AUH: variants seen among roughly 807,000 people sequenced by gnomAD.
The protein encoded by AUH is AU RNA binding methylglutaconyl-CoA hydratase, also known as methylglutaconyl-CoA hydratase, mitochondrial.
In AUH, 29 loss-of-function variants were observed where a neutral mutation model predicts 42.3. The ratio of observed to expected loss-of-function variants is 0.69; its 90% CI spans 0.51 to 0.93. The LOEUF (loss-of-function observed/expected upper bound fraction) is 0.93. AUH is among the 40% of genes least tolerant of loss of function. The probability of loss-of-function intolerance (pLI) is 0.00; values close to 1 mark genes in which losing one functional copy is unlikely to be tolerated. For synonymous variants in AUH, 174 were observed against 166.4 expected (o/e 1.05, Z -0.35); for missense variants, 452 against 438.1 (o/e 1.03, Z -0.28).
At chr9:91,361,367 T>C (rs922998025) in intron 1 of AUH, among the ~76,000 whole-genome samples, 1 of 152,200 alleles carries the variant, frequency 6.6e-6, no homozygotes, top group Non-Finnish European at 1.5e-5. Flanking sequence ...TAAGCTGCAC[T>C]TCTGTTTGCC....
At chr9:91,240,593 C>T (rs1288217180) in intron 6 of AUH, among the ~76,000 whole-genome samples, 1 of 152,076 alleles carries the variant, frequency 6.6e-6, no homozygotes, top group Non-Finnish European at 1.5e-5. Context: ...CTATGTAATA[C>T]AGAAGTCACT....
chr9:91,321,517 A>C (rs1186003942), intron 4 of AUH, among the ~76,000 whole-genome samples: 2 of 152,204 alleles, frequency 1.3e-5, no homozygotes, highest in Admixed American at 1.3e-4. Context: ...GACTCCAAAA[A>C]GCAAAACCCA....
chr9:91,265,794 T>G lies in AUH; in HGVS notation c.655+30227A>C, dbSNP rs185086904. Among the ~76,000 whole-genome samples, 227 of 152,304 alleles carry G rather than the reference T, an allele frequency of 1.5e-3. 1 individual carries two copies. The highest frequency in any genetic ancestry group is 4.9e-3 in the African/African-American group (203 of 41,552). ...CAGTTTTTCTGAAAACTTGCATATC[T>G]TCAGAAACCTCTTTGCAGTACATTT... On this transcript the variant is annotated intron_variant, in intron 6 of 9. Transcript: ENST00000375731.
chr9:91,298,177 G>A, intron 4 of AUH, 101 bp from the exon 5 acceptor site: 1 of 863,098 alleles, frequency 1.2e-6, no homozygotes, highest in Non-Finnish European at 1.9e-6. Flanking sequence ...TTAAATGGGA[G>A]ATCATATACA....
chr9:91,349,576 T>C (rs918269054), intron 3 of AUH, among the ~76,000 whole-genome samples: 12 of 152,126 alleles, frequency 7.9e-5, no homozygotes, highest in Non-Finnish European at 1.6e-4. Context: ...GATTGGCAAA[T>C]ATTAAAATTT....
In AUH at chr9:91,213,839, T is replaced by C. The variant is rs1587605348; in HGVS notation, c.*509A>G. On this transcript the variant is annotated 3_prime_UTR_variant, in exon 10 of 10. Transcript: ENST00000375731. ...ATTCCCATGTTTTCTTTTCACTAAT[T>C]TTATTTATATTAGGTAGTTTTCACT... 3 of 153,276 alleles carry C rather than the reference T, an allele frequency of 2.0e-5. No individual in the cohort carries two copies. Among genetic ancestry groups the C allele is most frequent in the African/African-American group, 7.2e-5 (3 of 41,454 alleles). The allele number at this position is 153,276 out of a possible 1,614,324, so 9.5% of individuals were successfully genotyped here.
chr9:91,349,643 G>A (rs1831801558), intron 3 of AUH, among the ~76,000 whole-genome samples: 1 of 150,402 alleles, frequency 6.6e-6, no homozygotes, highest in Non-Finnish European at 1.5e-5. Flanking sequence ...GTGTGTGTAT[G>A]TGTGTGTGGG....
At chr9:91,330,705 C>T (rs2131895852) in intron 3 of AUH, among the ~76,000 whole-genome samples, 1 of 152,250 alleles carries the variant, frequency 6.6e-6, no homozygotes, top group Non-Finnish European at 1.5e-5. Context: ...CAGTAGAAGA[C>T]ACAAATTATG....
At position 91,221,063 on chromosome 9, in the gene AUH, T is replaced by A. The variant is rs1827108387; in HGVS notation, c.656-71A>T. 3.3e-6 allele frequency: 5 copies of A among 1,522,168 alleles called. No homozygotes were observed. In the South Asian group the frequency reaches 5.6e-5, roughly 17 times the overall value. The allele number at this position is 1,522,168 out of a possible 1,614,324, so 94.3% of individuals were successfully genotyped here. On this transcript the variant is annotated intron_variant, in intron 6 of 9. Coordinates refer to ENST00000375731, the MANE Select transcript of AUH (RefSeq NM_001698.3). ...AGTTTTAACACTTCAGTGTTTCATATCTTCATTTATAAAAATAAACCAGGG... is the reference window on the plus strand; with the variant it reads ...AGTTTTAACACTTCAGTGTTTCATAACTTCATTTATAAAAATAAACCAGGG...
chr9:91,299,446 A>G (rs1827612772), intron 4 of AUH, among the ~76,000 whole-genome samples: 1 of 152,176 alleles, frequency 6.6e-6, no homozygotes, highest in Non-Finnish European at 1.5e-5. Flanking sequence ...TGCCGCCTGA[A>G]GCACTCCCAG....
intron 6 of AUH, among the ~76,000 whole-genome samples, chr9:91,276,896 C>T (rs1411451949): frequency 1.3e-5 from 2 of 152,154 alleles, no homozygotes; most frequent in Admixed American, 1.3e-4. Context: ...GATAAAATCA[C>T]CTCTTAAAAG....
rs1829890680 is a variant in AUH, at chr9:91,325,300, G to C, written c.505+18C>G. Reference sequence around the variant, plus strand: ...GAACCCCTTCGGCATGCTGAAAGAAGAACTTAATAGTGCTTACCAATATCG... The same window carrying C: ...GAACCCCTTCGGCATGCTGAAAGAACAACTTAATAGTGCTTACCAATATCG... On this transcript the variant is annotated intron_variant, in intron 4 of 9. Transcript: ENST00000375731. 1.4e-5 allele frequency: 22 copies of C among 1,605,356 alleles called. No homozygotes were observed. Among genetic ancestry groups the C allele is most frequent in the Non-Finnish European group, 1.7e-5 (20 of 1,172,294 alleles).
At chr9:91,251,408 G>T (rs1270812216) in intron 6 of AUH, among the ~76,000 whole-genome samples, 1 of 152,208 alleles carries the variant, frequency 6.6e-6, no homozygotes, top group Non-Finnish European at 1.5e-5. Flanking sequence ...CCTTTGCTGT[G>T]TGTTTTCAGA....
At chr9:91,351,072 C>T (rs77783396) in intron 3 of AUH, among the ~76,000 whole-genome samples, 3,816 of 151,968 alleles carry the variant, frequency 0.025, 75 homozygotes, top group East Asian at 0.066. Flanking sequence ...CAAGCTCATG[C>T]GACTCTCCCA....
rs535901469 is a variant in AUH, at chr9:91,271,827, C to T, written c.655+24194G>A. ...TCCTGAGCAGCTGGTATTACAGGCG[C>T]CCGCCACCACGCCCGGCTAATTCTT... On this transcript the variant is annotated intron_variant, in intron 6 of 9. Coordinates refer to ENST00000375731, the MANE Select transcript of AUH (RefSeq NM_001698.3). Among the ~76,000 whole-genome samples the T allele has an allele frequency of 9.9e-4, 151 of 152,248 alleles. 1 individual carries two copies. The highest frequency in any genetic ancestry group is 2.7e-3 in the Admixed American group (42 of 15,296).
At chr9:91,352,696 C>T (rs1832083574) in intron 3 of AUH, among the ~76,000 whole-genome samples, 1 of 152,138 alleles carries the variant, frequency 6.6e-6, no homozygotes, top group Non-Finnish European at 1.5e-5. Context: ...GCCAAATTTA[C>T]TATCAGTAAA....
At chr9:91,233,309 A>T (rs10991835) in intron 6 of AUH, among the ~76,000 whole-genome samples, 50,207 of 151,904 alleles carry the variant, frequency 0.33, 8,667 homozygotes, top group East Asian at 0.55. Context: ...GAGGAACACG[A>T]AGGGCACAGG....
chr9:91,351,899 T>C (rs933481806), intron 3 of AUH, among the ~76,000 whole-genome samples: 2 of 152,200 alleles, frequency 1.3e-5, no homozygotes, highest in African/African-American at 2.4e-5. Flanking sequence ...AGTGACTGTA[T>C]TGAATGCTGT....
At chr9:91,287,156 GA>G (rs1381497052) in intron 6 of AUH, among the ~76,000 whole-genome samples, 1 of 152,044 alleles carries the variant, frequency 6.6e-6, no homozygotes, top group African/African-American at 2.4e-5. Context: ...CCAAACATGA[GA>G]CACAGGGACA....
Sources: gnomAD v4.1 joint callset for allele counts (sites outside exome capture counted in the v4.1 genomes callset) on GRCh38, gnomAD v4.1.1 for gene constraint, MANE v1.5 for transcripts, NCBI Gene and HGNC (gene_info 2026-07-23, HGNC 2026-07-21) for gene names.